Variants in F2 observed in about 807,000 individuals in gnomAD.
The protein encoded by F2 is coagulation factor II, thrombin.
A neutral mutation model predicts 81.9 loss-of-function variants in F2; 34 were observed. That is an observed-to-expected ratio of 0.42 (90% CI 0.32 to 0.55). The LOEUF is 0.55. Among genes scored for constraint, F2 ranks in the 20% least tolerant of loss-of-function variants. The pLI is 0.18. For synonymous variants in F2, 296 were observed against 326.4 expected, an observed-to-expected ratio of 0.91 and a Z score of 1.01; for missense variants, 630 against 833.4, an observed-to-expected ratio of 0.76 and a Z score of 3.00.
rs5896 is a variant in F2 at position 46,723,453 on chromosome 11, C to T, written c.494C>T (p.Thr165Met). 256,801 of 1,613,858 alleles carry T rather than the reference C, an allele frequency of 0.16. 28,286 individuals are homozygous for T. Among genetic ancestry groups the T allele is most frequent in the East Asian group, 0.6 (27,104 of 44,826 alleles). ...TGCCGCAACCCCGACAGCAGCACCACGGGACCCTGGTGCTACACTACAGAC... is the reference window on the plus strand; with the variant it reads ...TGCCGCAACCCCGACAGCAGCACCATGGGACCCTGGTGCTACACTACAGAC... ...NFCRNPDSSTTGPWCYTTDPT... is the reference protein window; with the variant it reads ...NFCRNPDSSTMGPWCYTTDPT... Residue 165 changes from threonine to methionine, a missense_variant, in exon 6 of 14, where the codon ACG (threonine) becomes ATG (methionine). By Grantham distance (81) the Thr-to-Met change is moderately conservative. Transcript: ENST00000311907. This position sits in a 1 kb window ranked among gnomAD's most constrained non-coding sequence, Gnocchi z 5.6.
Position 46,726,873 on chromosome 11 carries a change from G to A in F2, c.1130+36G>A. On this transcript the variant is annotated intron_variant, in intron 9 of 13. Coordinates refer to ENST00000311907, the MANE Select transcript of F2 (RefSeq NM_000506.5). This position sits in a 1 kb window ranked among gnomAD's most constrained non-coding sequence, Gnocchi z 5.9. ...GAGCCCTGCGCTACCATTCACTCCTGGGGGCAGGTGTGCTGCTGGACCCCC... is the reference window on the plus strand; with the variant it reads ...GAGCCCTGCGCTACCATTCACTCCTAGGGGCAGGTGTGCTGCTGGACCCCC... The A allele has an allele frequency of 1.2e-6, 2 of 1,611,224 alleles. No homozygotes were observed. Among genetic ancestry groups the A allele is most frequent in the Non-Finnish European group, 1.7e-6 (2 of 1,177,856 alleles).
At position 46,726,441 on chromosome 11, in the gene F2, AG is replaced by A; in HGVS notation, c.875-53del. 6.3e-7 allele frequency: 1 copy of A among 1,588,336 alleles called. No individual in the cohort carries two copies. Among genetic ancestry groups the A allele is most frequent in the Non-Finnish European group, 8.6e-7 (1 of 1,167,994 alleles). On this transcript the variant is annotated intron_variant, in intron 7 of 13. Transcript: ENST00000311907. The surrounding 1 kb of genome is among the most constrained non-coding windows in gnomAD (Gnocchi z 5.9). ...GCCCGTAGGGGAATTGGGGGGATCT[AG>A]GGGATGGGTGAGGAATGGCCCAGCC...
chr11:46,735,852 A>AGG (rs2064941138), intron 12 of F2, among the ~76,000 whole-genome samples: 1 of 137,564 alleles, frequency 7.3e-6, no homozygotes, highest in Non-Finnish European at 1.6e-5. Flanking sequence ...AACCTGGGAG[A>AGG]CGGAGGTTGC....
chr11:46,737,671 C>T (rs2064952630), intron 12 of F2, among the ~76,000 whole-genome samples: 2 of 151,870 alleles, frequency 1.3e-5, no homozygotes, highest in Admixed American at 1.3e-4. Flanking sequence ...ATCTCCTGAC[C>T]TTGTGATCCG....
chr11:46,734,154 A>G (rs1314841811), intron 12 of F2, among the ~76,000 whole-genome samples: 2 of 151,834 alleles, frequency 1.3e-5, no homozygotes, highest in Admixed American at 6.6e-5. Context: ...CTGGAGTGCA[A>G]TGGTGCAATC....
chr11:46,729,644 C>G (rs2064898698), intron 12 of F2, 83 bp downstream of exon 12: 4 of 1,522,748 alleles, frequency 2.6e-6, no homozygotes, highest in South Asian at 2.4e-5. Context: ...AGCCATGTGA[C>G]TTTGAGCAAG....
At chr11:46,727,928 C>CA (rs2064885652) in intron 9 of F2, 68 bp from the exon 10 acceptor site, 2 of 1,526,028 alleles carry the variant, frequency 1.3e-6, no homozygotes, top group Non-Finnish European at 1.8e-6. Flanking sequence ...GGGATTGTTA[C>CA]TTCTAGGGCT....
chr11:46,719,842 C>T lies in F2; in HGVS notation c.220C>T (p.Leu74=). 2.5e-6 allele frequency: 4 copies of T among 1,575,744 alleles called. No homozygotes were observed. The highest frequency in any genetic ancestry group is 3.4e-6 in the Non-Finnish European group (4 of 1,161,580). ...CAGCTACGAGGAGGCCTTCGAGGCT[C>T]TGGAGTCCTCCACGGCTACGGTGAG... ...TCSYEEAFEA[L]ESSTATDVFW... is the part of the protein sequence containing the mutation. Residue 74 remains leucine (L), a synonymous_variant, in exon 2 of 14, where the codon CTG becomes TTG. Coordinates refer to ENST00000311907, the MANE Select transcript of F2 (RefSeq NM_000506.5). The surrounding 1 kb of genome is among the most constrained non-coding windows in gnomAD (Gnocchi z 4.7).
chr11:46,733,199 T>A (rs2064924196), intron 12 of F2, among the ~76,000 whole-genome samples: 1 of 152,216 alleles, frequency 6.6e-6, no homozygotes, highest in Non-Finnish European at 1.5e-5. Context: ...ATTTGCCTAT[T>A]TGAACAATAC....
intron 12 of F2, among the ~76,000 whole-genome samples, chr11:46,733,552 T>C (rs1817844499): frequency 6.6e-6 from 1 of 152,048 alleles, no homozygotes; most frequent in South Asian, 2.1e-4. Context: ...AAGGCAAACA[T>C]GTATGTCATT....
In F2 at chr11:46,723,336, G is replaced by A. The variant is rs377291293; in HGVS notation, c.423-46G>A. ...CATGGGCTGAGAACAGGGAGCAAGCGTACCTCAAGCCCAACAGCCTCCTGT... is the reference window on the plus strand; with the variant it reads ...CATGGGCTGAGAACAGGGAGCAAGCATACCTCAAGCCCAACAGCCTCCTGT... On this transcript the variant is annotated intron_variant, in intron 5 of 13. Coordinates refer to ENST00000311907, the MANE Select transcript of F2 (RefSeq NM_000506.5). This position sits in a 1 kb window ranked among gnomAD's most constrained non-coding sequence, Gnocchi z 5.6. The A allele has an allele frequency of 2.5e-4, 400 of 1,613,432 alleles. No homozygotes were observed. The highest frequency in any genetic ancestry group is 3.2e-4 in the Non-Finnish European group (380 of 1,179,530).
At chr11:46,732,366 T>A (rs1406804305) in intron 12 of F2, among the ~76,000 whole-genome samples, 1 of 152,068 alleles carries the variant, frequency 6.6e-6, no homozygotes, top group Non-Finnish European at 1.5e-5. Context: ...GACTTAAGGA[T>A]CCTTACTTTA....
chr11:46,719,595 T>TC lies in F2; in HGVS notation c.80-106dup. ...GGCACTTCCACCAGCCCAGACAGCC[T>TC]CTCTCAGAAGCCAGCAGGGGAGGGT... On this transcript the variant is annotated intron_variant, in intron 1 of 13. Coordinates refer to ENST00000311907, the MANE Select transcript of F2 (RefSeq NM_000506.5). This position sits in a 1 kb window ranked among gnomAD's most constrained non-coding sequence, Gnocchi z 4.7. 1 of 1,436,718 alleles carries TC rather than the reference T, an allele frequency of 7.0e-7. No homozygotes were observed. Among genetic ancestry groups the TC allele is most frequent in the South Asian group, 1.2e-5 (1 of 80,126 alleles). 89.0% of individuals were successfully genotyped at this position (1,436,718 alleles called of 1,614,324 possible). A position where few individuals can be genotyped will look rare whatever the true frequency, so the allele number is the denominator to read the frequency against.
Position 46,725,860 on chromosome 11 carries a change from C to T in F2, c.561C>T (p.Gly187=), listed in dbSNP as rs1002773156. The stretch of plus-strand genomic sequence containing the variant: ...GCCTCCTTGCCCCTCACCCACCAGG[C>T]CAGGATCAAGTCACTGTAGCGATGA... The part of the protein sequence containing the change: ...RRQECSIPVC[G]QDQVTVAMTP... Residue 187 remains glycine (G), a splice_region_variant and synonymous_variant, in exon 7 of 14, where the codon GGC becomes GGT. Coordinates refer to ENST00000311907, the MANE Select transcript of F2 (RefSeq NM_000506.5). 1.2e-6 allele frequency: 2 copies of T among 1,612,670 alleles called. No homozygotes were observed. The highest frequency in any genetic ancestry group is 1.7e-6 in the Non-Finnish European group (2 of 1,180,002).
chr11:46,734,672 G>C (rs181385907), intron 12 of F2, among the ~76,000 whole-genome samples: 5 of 152,086 alleles, frequency 3.3e-5, no homozygotes, highest in Admixed American at 3.3e-4. Flanking sequence ...TTAGCTGGGC[G>C]TGGTGGCTGA....
chr11:46,731,912 G>GTTTTTTTTTTTTTTTTTTTTTT (rs71042616), intron 12 of F2, among the ~76,000 whole-genome samples: 5 of 88,174 alleles, frequency 5.7e-5, no homozygotes, highest in African/African-American at 2.2e-4. Context: ...ACACTTTGAT[G>GTTTTTTTTTTTTTTTTTTTTTT]TTTTTTTTTT....
At chr11:46,725,783 G>A in intron 6 of F2, 76 bp from the exon 7 acceptor site, 1 of 1,518,748 alleles carries the variant, frequency 6.6e-7, no homozygotes, top group Non-Finnish European at 9.1e-7. Flanking sequence ...AGCAAGACCG[G>A]GGTTCACACC....
Position 46,723,379 on chromosome 11 carries a change from C to T in F2, c.423-3C>T. ...CCTCCTGTTGGGCAATTTCCTGTTC[C>T]AGAATCAACTCCACTACCCATCCTG... On this transcript the variant is annotated splice_region_variant and splice_polypyrimidine_tract_variant and intron_variant, in intron 5 of 13. Coordinates refer to ENST00000311907, the MANE Select transcript of F2 (RefSeq NM_000506.5). The surrounding 1 kb of genome is among the most constrained non-coding windows in gnomAD (Gnocchi z 5.6). 2 of 1,613,512 alleles carry T rather than the reference C, an allele frequency of 1.2e-6. No individual in the cohort carries two copies. Among genetic ancestry groups the T allele is most frequent in the South Asian group, 2.2e-5 (2 of 91,066 alleles).
chr11:46,726,160 C>T lies in F2; in HGVS notation c.861C>T (p.Asp287=). Reference sequence around the variant, plus strand: ...AGCCTGGCGACTTTGGGTACTGCGACCTCAACTATTGTGGTGAGCTGCCTG... The same window carrying T: ...AGCCTGGCGACTTTGGGTACTGCGATCTCAACTATTGTGGTGAGCTGCCTG... ...AGKPGDFGYC[D]LNYCEEAVEE... The change falls in exon 7 of 14, where the codon GAC becomes GAT. Residue 287 remains aspartate (D), a synonymous_variant. Transcript: ENST00000311907. The surrounding 1 kb of genome is among the most constrained non-coding windows in gnomAD (Gnocchi z 5.9). 1 of 1,613,862 alleles carries T rather than the reference C, an allele frequency of 6.2e-7. No homozygotes were observed. The highest frequency in any genetic ancestry group is 8.5e-7 in the Non-Finnish European group (1 of 1,180,036).
Sources: allele counts gnomAD v4.1 joint callset (sites outside exome capture counted in the v4.1 genomes callset), GRCh38; gene constraint gnomAD v4.1.1; non-coding constraint Gnocchi (gnomAD v3.1); transcripts MANE v1.5; gene names NCBI Gene and HGNC (gene_info 2026-07-23, HGNC 2026-07-21).